NREP: variants seen among roughly 807,000 people sequenced by gnomAD.
The protein encoded by NREP is neuronal regeneration related protein.
A neutral mutation model predicts 8.6 loss-of-function variants in NREP; 5 were observed. The observed-to-expected ratio is 0.58, with a 90% CI of 0.30 to 1.22. The LOEUF is 1.22. Among genes scored for constraint, NREP ranks in the 50% most tolerant of loss-of-function variants. The pLI, the probability that NREP is intolerant of heterozygous loss-of-function variation, is 0.07. For synonymous variants in NREP, 27 were observed against 28.0 expected (o/e 0.96, Z 0.11); for missense variants, 86 against 82.5 (o/e 1.04, Z -0.17).
At chr5:111,869,948 A>C (rs1414397515) in intron 2 of NREP, among the ~76,000 whole-genome samples, 10 of 152,134 alleles carry the variant, frequency 6.6e-5, no homozygotes, top group Non-Finnish European at 1.5e-4. Context: ...CACACGTTCC[A>C]TTGTCTGTGA....
At chr5:111,950,027 A>G (rs187959857) in intron 2 of NREP, among the ~76,000 whole-genome samples, 3 of 152,172 alleles carry the variant, frequency 2.0e-5, no homozygotes, top group African/African-American at 7.2e-5. Flanking sequence ...CAATGGTTGA[A>G]CTAATTTACA....
At chr5:111,910,201 AT>A (rs1754874323) in intron 2 of NREP, among the ~76,000 whole-genome samples, 1 of 152,074 alleles carries the variant, frequency 6.6e-6, no homozygotes, top group Non-Finnish European at 1.5e-5. Context: ...CTGATTGCCC[AT>A]ATACCTCCCT....
At chr5:111,878,024 C>G (rs1362520154) in intron 2 of NREP, among the ~76,000 whole-genome samples, 1 of 152,124 alleles carries the variant, frequency 6.6e-6, no homozygotes, top group African/African-American at 2.4e-5. Context: ...GTGGGTAACT[C>G]AGGTTAGAGA....
intron 2 of NREP, among the ~76,000 whole-genome samples, chr5:111,938,717 A>C (rs959835742): frequency 6.6e-6 from 1 of 152,070 alleles, no homozygotes; most frequent in African/African-American, 2.4e-5. Context: ...GTACGTGTAA[A>C]GTACTGGGAA....
intron 2 of NREP, among the ~76,000 whole-genome samples, chr5:111,768,797 A>C (rs960085356): frequency 1.3e-5 from 2 of 152,168 alleles, no homozygotes; most frequent in Non-Finnish European, 2.9e-5. Flanking sequence ...ACGTCTTTCT[A>C]CTGTGAATGG....
At chr5:111,857,270 T>G (rs552397774) in intron 2 of NREP, among the ~76,000 whole-genome samples, 1 of 152,264 alleles carries the variant, frequency 6.6e-6, no homozygotes, top group East Asian at 1.9e-4. Context: ...GAGCAGGAAG[T>G]AGGTCAGGCC....
At chr5:111,871,053 C>CGTGTGTGTGTGTGTGTGT (rs34667486) in intron 2 of NREP, among the ~76,000 whole-genome samples, 20 of 142,702 alleles carry the variant, frequency 1.4e-4, no homozygotes, top group East Asian at 6.3e-4. Context: ...GAACCAATGG[C>CGTGTGTGTGTGTGTGTGT]GTGTGTGTGT....
intron 2 of NREP, among the ~76,000 whole-genome samples, chr5:111,799,798 T>C (rs113435935): frequency 6.4e-4 from 97 of 152,370 alleles, no homozygotes; most frequent in African/African-American, 2.2e-3. Context: ...ACTAAGACAT[T>C]TCTAAGGCTT....
chr5:111,768,918 G>C (rs1311032150), intron 2 of NREP, among the ~76,000 whole-genome samples: 1 of 152,178 alleles, frequency 6.6e-6, no homozygotes, highest in Non-Finnish European at 1.5e-5. Context: ...TCTGTTTTAA[G>C]TTCTTTGAGA....
intron 2 of NREP, among the ~76,000 whole-genome samples, chr5:111,908,475 TTA>T (rs1754829631): frequency 6.6e-6 from 1 of 151,960 alleles, no homozygotes; most frequent in Non-Finnish European, 1.5e-5. Flanking sequence ...AGTATCATCT[TTA>T]TGTCCATGTG....
intron 2 of NREP, among the ~76,000 whole-genome samples, chr5:111,777,336 T>TGGTGTG (rs1348526118): frequency 6.7e-6 from 1 of 150,010 alleles, no homozygotes; most frequent in Non-Finnish European, 1.5e-5. Context: ...CTACAGTGTG[T>TGGTGTG]GGTGTGGGTG....
At chr5:111,971,224 C>T (rs1290685313) in intron 2 of NREP, among the ~76,000 whole-genome samples, 1 of 152,170 alleles carries the variant, frequency 6.6e-6, no homozygotes, top group African/African-American at 2.4e-5. Flanking sequence ...TACTTCTTTA[C>T]ACTAATGACT....
At chr5:111,919,433 T>C (rs1445064543) in intron 2 of NREP, among the ~76,000 whole-genome samples, 1 of 152,166 alleles carries the variant, frequency 6.6e-6, no homozygotes, top group Non-Finnish European at 1.5e-5. Flanking sequence ...TGTATGTTTA[T>C]TGCAGCACTA....
At chr5:111,913,718 T>C (rs1754976430) in intron 2 of NREP, among the ~76,000 whole-genome samples, 1 of 152,056 alleles carries the variant, frequency 6.6e-6, no homozygotes, top group South Asian at 2.1e-4. Flanking sequence ...TAATTAAGAT[T>C]TGTAGGGAGA....
At chr5:111,744,064 G>C (rs1201108231) in intron 2 of NREP, among the ~76,000 whole-genome samples, 1 of 152,106 alleles carries the variant, frequency 6.6e-6, no homozygotes, top group Non-Finnish European at 1.5e-5. Flanking sequence ...TAGTTGCTTT[G>C]AAGAGTCTGA....
intron 1 of NREP, chr5:111,975,413 C>A (rs1374799626): frequency 2.1e-6 from 3 of 1,456,236 alleles, no homozygotes; most frequent in Non-Finnish European, 9.4e-7. Flanking sequence ...AACGTGAGCA[C>A]TGACCCCCCT....
intron 2 of NREP, chr5:111,738,457 A>G (rs1405588009): frequency 6.6e-6 from 1 of 152,172 alleles, no homozygotes; most frequent in Non-Finnish European, 1.5e-5. Flanking sequence ...TCTTCTTCTC[A>G]TCGGAACATG....
chr5:111,781,977 A>T (rs1258718247), intron 2 of NREP, among the ~76,000 whole-genome samples: 1 of 152,216 alleles, frequency 6.6e-6, no homozygotes, highest in Non-Finnish European at 1.5e-5. Flanking sequence ...CAGTTTCTTC[A>T]TTTGTAAAAT....
chr5:111,737,730 CA>C (rs1749265323), intron 2 of NREP, among the ~76,000 whole-genome samples: 1 of 127,418 alleles, frequency 7.8e-6, no homozygotes, highest in Non-Finnish European at 1.6e-5. Flanking sequence ...AAAAAAAAAA[CA>C]AAAACAAAAA....
Sources: allele counts gnomAD v4.1 joint callset (sites outside exome capture counted in the v4.1 genomes callset), GRCh38; gene constraint gnomAD v4.1.1; transcripts MANE v1.5; gene names NCBI Gene and HGNC (gene_info 2026-07-23, HGNC 2026-07-21).